PRKN: variants seen among roughly 807,000 people sequenced by gnomAD.
The protein encoded by PRKN is parkin RBR E3 ubiquitin protein ligase, also known as E3 ubiquitin-protein ligase parkin.
Under a neutral mutation model 59.5 loss-of-function variants are expected in PRKN, and 56 were observed. That is an observed-to-expected ratio of 0.94 (90% confidence interval 0.76 to 1.18). PRKN has a LOEUF of 1.18. Ranked by LOEUF, PRKN falls within the 50% of genes most tolerant of loss-of-function variation. PRKN has a pLI of 0.00. For missense variants in PRKN, 657 were observed against 596.4 expected (o/e 1.10, Z -1.06); for synonymous variants, 250 against 222.1 (o/e 1.13, Z -1.12).
chr6:161,816,182 G>A (rs1791771935), intron 6 of PRKN, among the ~76,000 whole-genome samples: 1 of 152,076 alleles, frequency 6.6e-6, no homozygotes, highest in Non-Finnish European at 1.5e-5. Context: ...CAACGAGGAG[G>A]GAGCTGGGAC....
intron 2 of PRKN, among the ~76,000 whole-genome samples, chr6:162,334,314 T>C (rs1388559003): frequency 1.3e-5 from 2 of 152,180 alleles, no homozygotes; most frequent in Non-Finnish European, 2.9e-5. Context: ...AGAGGAAAAG[T>C]CAATGCATGG....
chr6:161,919,005 T>C (rs948785762), intron 6 of PRKN, among the ~76,000 whole-genome samples: 1 of 152,170 alleles, frequency 6.6e-6, no homozygotes. Flanking sequence ...AGCACACGAC[T>C]GTTAGAGCCA....
chr6:161,532,244 T>C (rs1324912922), intron 9 of PRKN, among the ~76,000 whole-genome samples: 1 of 151,708 alleles, frequency 6.6e-6, no homozygotes, highest in African/African-American at 2.4e-5. Flanking sequence ...AAAATTTGCC[T>C]AGAGACTGTG....
intron 4 of PRKN, among the ~76,000 whole-genome samples, chr6:162,129,006 G>T (rs1308702898): frequency 6.6e-6 from 1 of 152,138 alleles, no homozygotes; most frequent in African/African-American, 2.4e-5. Context: ...CACTTAAATG[G>T]TAAATGAATG....
chr6:161,661,428 C>T (rs1459895518), intron 7 of PRKN, among the ~76,000 whole-genome samples: 2 of 152,154 alleles, frequency 1.3e-5, no homozygotes, highest in Non-Finnish European at 2.9e-5. Flanking sequence ...TGTGTGGCTG[C>T]CCATCCCAGT....
chr6:162,274,172 A>AATTAATTTATTTATTT (rs1439630044), intron 2 of PRKN, among the ~76,000 whole-genome samples: 1 of 151,390 alleles, frequency 6.6e-6, no homozygotes, highest in African/African-American at 2.4e-5. Flanking sequence ...TTAATTTATT[A>AATTAATTTATTTATTT]ATTTATTAAT....
At chr6:162,263,487 T>A (rs1779988644) in intron 2 of PRKN, among the ~76,000 whole-genome samples, 1 of 152,148 alleles carries the variant, frequency 6.6e-6, no homozygotes. Context: ...GTTCATTCTC[T>A]TTCTGACGAT....
At chr6:162,298,632 C>T (rs1781797695) in intron 2 of PRKN, among the ~76,000 whole-genome samples, 3 of 145,424 alleles carry the variant, frequency 2.1e-5, no homozygotes, top group African/African-American at 7.7e-5. Context: ...CCCCACCCCC[C>T]AACCCCATGA....
At chr6:161,924,699 T>C (rs879629190) in intron 6 of PRKN, among the ~76,000 whole-genome samples, 3 of 152,192 alleles carry the variant, frequency 2.0e-5, no homozygotes, top group Non-Finnish European at 4.4e-5. Context: ...GGAAAGTGTT[T>C]GCATGCCATG....
chr6:162,326,995 T>A (rs1783317272), intron 2 of PRKN, among the ~76,000 whole-genome samples: 1 of 152,202 alleles, frequency 6.6e-6, no homozygotes, highest in African/African-American at 2.4e-5. Flanking sequence ...TTTCCTTGCA[T>A]TCTTTTCAAT....
Position 161,456,925 on chromosome 6 carries a change from A to G in PRKN, c.1084-70048T>C, listed in dbSNP as rs1159961095. The stretch of plus-strand genomic sequence containing the variant: ...GCAGCTGGAAGAGGCCTGGAGTGGT[A>G]CTTGGACTTTGAAGCCAAACACTTG... On this transcript the variant is annotated intron_variant, in intron 9 of 11. Transcript: ENST00000366898. This position sits in a 1 kb window ranked among gnomAD's most constrained non-coding sequence, Gnocchi z 4.8. 1.3e-5 allele frequency among the ~76,000 whole-genome samples: 2 copies of G among 152,166 alleles called. No individual in the cohort carries two copies. Among genetic ancestry groups the G allele is most frequent in the African/African-American group, 4.8e-5 (2 of 41,452 alleles).
chr6:162,552,013 GA>G (rs940900827), intron 1 of PRKN, among the ~76,000 whole-genome samples: 30 of 152,146 alleles, frequency 2.0e-4, no homozygotes, highest in Admixed American at 1.8e-3. Flanking sequence ...ATCCTACCTA[GA>G]AAAAATGGTT....
At chr6:161,779,445 T>TTTTTTTTTTTTTTTTTTTTTTTTTTG (rs1790107377) in intron 7 of PRKN, among the ~76,000 whole-genome samples, 1 of 89,900 alleles carries the variant, frequency 1.1e-5, no homozygotes, top group Non-Finnish European at 2.3e-5. Context: ...CTTTTCTTTT[T>TTTTTTTTTTTTTTTTTTTTTTTTTTG]TTTTTTTTTT....
intron 1 of PRKN, among the ~76,000 whole-genome samples, chr6:162,648,762 G>C (rs1778298256): frequency 6.6e-6 from 1 of 152,154 alleles, no homozygotes; most frequent in African/African-American, 2.4e-5. Context: ...CATAGAGTGT[G>C]CACAAACATA....
intron 1 of PRKN, among the ~76,000 whole-genome samples, chr6:162,676,266 A>G (rs1458323238): frequency 6.6e-6 from 1 of 152,204 alleles, no homozygotes; most frequent in Non-Finnish European, 1.5e-5. Flanking sequence ...GGAAAGCGCC[A>G]AGAAGGATGA....
chr6:162,509,620 G>A (rs907048219), intron 1 of PRKN, among the ~76,000 whole-genome samples: 2 of 152,220 alleles, frequency 1.3e-5, no homozygotes, highest in South Asian at 2.1e-4. Context: ...AGTGACAATA[G>A]TCAAATACCA....
At chr6:162,112,466 G>T (rs1055293752) in intron 4 of PRKN, among the ~76,000 whole-genome samples, 4 of 152,178 alleles carry the variant, frequency 2.6e-5, no homozygotes, top group East Asian at 1.9e-4. Flanking sequence ...AGTCACAAAA[G>T]AATTGAAGTT....
At chr6:162,207,171 G>C (rs1394012762) in intron 3 of PRKN, among the ~76,000 whole-genome samples, 2 of 152,076 alleles carry the variant, frequency 1.3e-5, no homozygotes, top group East Asian at 3.9e-4. Context: ...AGGAGATCCA[G>C]ACCATCCTGG....
chr6:162,118,684 C>A (rs1434881552), intron 4 of PRKN, among the ~76,000 whole-genome samples: 1 of 152,108 alleles, frequency 6.6e-6, no homozygotes, highest in Non-Finnish European at 1.5e-5. Flanking sequence ...CCAACCACAA[C>A]CAAAAGAGTA....
Sources: allele counts gnomAD v4.1 joint callset (sites outside exome capture counted in the v4.1 genomes callset), GRCh38; gene constraint gnomAD v4.1.1; non-coding constraint Gnocchi (gnomAD v3.1); transcripts MANE v1.5; gene names NCBI Gene and HGNC (gene_info 2026-07-23, HGNC 2026-07-21).